The following CLIC5 variants were observed in gnomAD, a reference collection of about 807,000 sequenced individuals.
CLIC5 encodes chloride intracellular channel protein 5.
CLIC5 carries 20 observed loss-of-function variants against 24.7 expected under a neutral mutation model. That is an observed-to-expected ratio of 0.81 (90% CI 0.57 to 1.18). The LOEUF (loss-of-function observed/expected upper bound fraction) is 1.18. CLIC5 is among the 50% of genes most tolerant of loss of function. The pLI is 0.00. For synonymous variants in CLIC5, 159 were observed against 135.6 expected, an observed-to-expected ratio of 1.17 and a Z score of -1.20; for missense variants, 341 against 326.1, an observed-to-expected ratio of 1.05 and a Z score of -0.35.
At chr6:46,102,222 C>A in the CLIC5 span, among the ~76,000 whole-genome samples, 3 of 152,172 alleles carry the variant, frequency 2.0e-5, no homozygotes, top group Non-Finnish European at 2.9e-5. Flanking sequence ...TTAGGTTCAA[C>A]AAAGTACGAG....
At chr6:46,054,598 T>C (rs1389716854) in intron 1 of CLIC5, among the ~76,000 whole-genome samples, 2 of 152,222 alleles carry the variant, frequency 1.3e-5, no homozygotes, top group African/African-American at 2.4e-5. Context: ...AATTCATATG[T>C]TGAATCCCTA....
upstream of CLIC5, among the ~76,000 whole-genome samples, chr6:46,084,510 T>C (rs1228249532): frequency 6.6e-6 from 1 of 152,192 alleles, no homozygotes; most frequent in Non-Finnish European, 1.5e-5. Context: ...CTGTAAAGTA[T>C]TTTATTTCTC....
chr6:46,001,943 C>G (rs1766377423), intron 1 of CLIC5, among the ~76,000 whole-genome samples: 1 of 152,180 alleles, frequency 6.6e-6, no homozygotes, highest in Admixed American at 6.5e-5. Context: ...TCCTGCTACC[C>G]TTGACCATGG....
intron 4 of CLIC5, among the ~76,000 whole-genome samples, chr6:45,928,007 C>T (rs957689221): frequency 6.6e-6 from 1 of 152,100 alleles, no homozygotes; most frequent in Non-Finnish European, 1.5e-5. Flanking sequence ...TATGCTTAAG[C>T]CTTAAGTCTG....
At chr6:45,885,762 G>C (rs1173759584) in intron 6 of CLIC5, among the ~76,000 whole-genome samples, 1 of 152,184 alleles carries the variant, frequency 6.6e-6, no homozygotes, top group Non-Finnish European at 1.5e-5. Flanking sequence ...AGGGAACACT[G>C]GGCTTTTTAG....
intron 1 of CLIC5, among the ~76,000 whole-genome samples, chr6:46,006,681 CTTTT>C (rs34501921): frequency 7.2e-6 from 1 of 138,940 alleles, no homozygotes; most frequent in Non-Finnish European, 1.6e-5. Context: ...CTTTTTTTTC[CTTTT>C]TTTTTTTTTT....
At chr6:45,935,837 A>T (rs927080872) in intron 4 of CLIC5, among the ~76,000 whole-genome samples, 2 of 152,158 alleles carry the variant, frequency 1.3e-5, no homozygotes, top group Non-Finnish European at 2.9e-5. Flanking sequence ...CAGACAGAAA[A>T]GGATATCCAA....
the CLIC5 span, among the ~76,000 whole-genome samples, chr6:46,109,099 T>C: frequency 8.5e-5 from 13 of 152,228 alleles, no homozygotes; most frequent in Non-Finnish European, 1.5e-4. Context: ...TACATTAAAT[T>C]GTTGTATGCC....
exon 7 of CLIC5, chr6:45,881,031 T>C: frequency 2.5e-6 from 1 of 398,164 alleles, no homozygotes; most frequent in Non-Finnish European, 4.4e-6. Flanking sequence ...CTCTTAGGTT[T>C]TTTTTTCTGC....
At chr6:46,028,354 C>T (rs1353129169) in intron 1 of CLIC5, among the ~76,000 whole-genome samples, 1 of 152,170 alleles carries the variant, frequency 6.6e-6, no homozygotes, top group African/African-American at 2.4e-5. Context: ...CTCGGGAAGT[C>T]CCAGGTGGTT....
intron 1 of CLIC5, among the ~76,000 whole-genome samples, chr6:46,078,727 A>T (rs1762841766): frequency 6.6e-6 from 1 of 152,224 alleles, no homozygotes. Context: ...GATTATTTTT[A>T]AAAGGACCTT....
intron 1 of CLIC5, among the ~76,000 whole-genome samples, chr6:46,051,924 AT>A (rs1768113937): frequency 6.6e-6 from 1 of 152,184 alleles, no homozygotes; most frequent in Non-Finnish European, 1.5e-5. Flanking sequence ...GAGATAAACC[AT>A]CATCTCCACA....
chr6:46,038,423 C>A (rs1166113635), intron 1 of CLIC5, among the ~76,000 whole-genome samples: 2 of 152,144 alleles, frequency 1.3e-5, no homozygotes, highest in East Asian at 3.8e-4. Context: ...ACAACCCAGG[C>A]CTGCATTAGG....
chr6:46,034,185 G>A (rs1462602957), intron 1 of CLIC5, among the ~76,000 whole-genome samples: 1 of 152,220 alleles, frequency 6.6e-6, no homozygotes, highest in Non-Finnish European at 1.5e-5. Context: ...GCATGTGGGA[G>A]CTACTGAAGT....
intron 1 of CLIC5, among the ~76,000 whole-genome samples, chr6:45,977,933 C>A (rs1765439012): frequency 6.6e-6 from 1 of 152,196 alleles, no homozygotes; most frequent in Non-Finnish European, 1.5e-5. Flanking sequence ...CACTCAGCGT[C>A]TTTCCCTGTA....
intron 1 of CLIC5, among the ~76,000 whole-genome samples, chr6:46,069,895 C>A (rs1054317645): frequency 3.9e-5 from 6 of 152,140 alleles, no homozygotes; most frequent in African/African-American, 1.4e-4. Flanking sequence ...AGCTTTATCC[C>A]TGGGATGCAA....
At chr6:45,959,334 G>A (rs1764772110) in intron 1 of CLIC5, among the ~76,000 whole-genome samples, 1 of 152,130 alleles carries the variant, frequency 6.6e-6, no homozygotes, top group African/African-American at 2.4e-5. Flanking sequence ...TTAGAAAAAT[G>A]CTATAATAAA....
chr6:46,091,670 C>T, the CLIC5 span, among the ~76,000 whole-genome samples: 6 of 152,038 alleles, frequency 3.9e-5, no homozygotes, highest in Non-Finnish European at 8.8e-5. Flanking sequence ...CCCAGGAGGT[C>T]GAGGCTGCAG....
In CLIC5 at chr6:46,015,731, C is replaced by T. The variant is rs1273622789; in HGVS notation, c.-189G>A. ...GAGAGATCAGTGTCCCAGATGCTCA[C>T]ATGAAAAGGAGCGAAGCCGGGAGGA... On this transcript the variant is annotated 5_prime_UTR_variant, in exon 1 of 6. The change creates a new upstream start codon in the 5' untranslated region. Transcript: ENST00000339561. 8.0e-7 allele frequency: 1 copy of T among 1,244,192 alleles called. No individual in the cohort carries two copies. Among genetic ancestry groups the T allele is most frequent in the Non-Finnish European group, 1.0e-6 (1 of 994,130 alleles). 77.1% of individuals were successfully genotyped at this position (1,244,192 alleles called of 1,614,324 possible).
Sources: allele counts gnomAD v4.1 joint callset (sites outside exome capture counted in the v4.1 genomes callset), GRCh38; gene constraint gnomAD v4.1.1; transcripts MANE v1.5; gene names NCBI Gene and HGNC (gene_info 2026-07-23, HGNC 2026-07-21).